The following RSRP1 variants were observed in gnomAD, a reference collection of about 807,000 sequenced individuals.
RSRP1 encodes arginine and serine rich protein 1, also known as arginine/serine-rich protein 1.
RSRP1 carries 37 observed loss-of-function variants against 33.0 expected under a neutral mutation model. That is an observed-to-expected ratio of 1.12 (90% CI 0.86 to 1.48). RSRP1 has a LOEUF of 1.48. RSRP1 is among the 40% of genes most tolerant of loss of function. The pLI is 0.00. For missense variants in RSRP1, 402 were observed against 385.3 expected (o/e 1.04, Z -0.36); for synonymous variants, 167 against 158.7 (o/e 1.05, Z -0.40).
rs1419209418 is a variant in RSRP1, at chr1:25,289,488, C to T, written c.-66-42459G>A. ...GGGAGTACAGGCATGAGCCACTGCA[C>T]CCAGCCTTATAGGGTTAAAATTTAA... On this transcript the variant is annotated intron_variant, in intron 1 of 1. Transcript: ENST00000561867. Among the ~76,000 whole-genome samples, 3 of 132,628 alleles carry T rather than the reference C, an allele frequency of 2.3e-5. 1 individual carries two copies. The highest frequency in any genetic ancestry group is 5.4e-5 in the Non-Finnish European group (3 of 55,952). 87.0% of individuals were successfully genotyped at this position (132,628 alleles called of 152,430 possible).
rs1173626466 is a variant in RSRP1 at position 25,288,304 on chromosome 1, G to A, written c.-66-41275C>T. Among the ~76,000 whole-genome samples, 7 of 129,276 alleles carry A rather than the reference G, an allele frequency of 5.4e-5. 2 individuals carry two copies. Among genetic ancestry groups the A allele is most frequent in the Non-Finnish European group, 1.3e-4 (7 of 54,756 alleles). 84.8% of individuals were successfully genotyped at this position (129,276 alleles called of 152,430 possible). On this transcript the variant is annotated intron_variant, in intron 1 of 1. Transcript: ENST00000561867. ...AAGTACTGGAATTACAGCCTCCTGA[G>A]TAGCTGAGACCACAGGCACACACCA... is the stretch of plus-strand genomic sequence containing the variant.
At chr1:25,313,339 A>G (rs1190356905) in intron 1 of RSRP1, among the ~76,000 whole-genome samples, 1 of 132,580 alleles carries the variant, frequency 7.5e-6, no homozygotes, top group African/African-American at 2.6e-5. Context: ...TTATTTTACA[A>G]ATTACCCATT....
chr1:25,297,170 G>T, intron 1 of RSRP1, among the ~76,000 whole-genome samples: 1 of 94,152 alleles, frequency 1.1e-5, no homozygotes, highest in South Asian at 3.3e-4. Flanking sequence ...TATCTTTCAT[G>T]ACCTTGACAT....
chr1:25,243,354 C>T (rs1488940747), intron 4 of RSRP1, among the ~76,000 whole-genome samples, 196 bp downstream of exon 4: 1 of 152,150 alleles, frequency 6.6e-6, no homozygotes, highest in Non-Finnish European at 1.5e-5. Flanking sequence ...AATATCGGAA[C>T]TAACGTGAAT....
At position 25,276,281 on chromosome 1, in the gene RSRP1, G is replaced by T. The variant is rs1241216767; in HGVS notation, c.-66-29252C>A. On this transcript the variant is annotated intron_variant, in intron 1 of 1. Coordinates refer to the RSRP1 transcript ENST00000561867. ...GGGTTTGCTTTTATGCCAGAAAAAAGAAAAAGTACAGAAGGATTATAGAAA... is the reference window on the plus strand; with the variant it reads ...GGGTTTGCTTTTATGCCAGAAAAAATAAAAAGTACAGAAGGATTATAGAAA... Among the ~76,000 whole-genome samples the T allele has an allele frequency of 2.3e-5, 3 of 129,630 alleles. 1 individual carries two copies. 85.0% of individuals were successfully genotyped at this position (129,630 alleles called of 152,430 possible). A position where few individuals can be genotyped will look rare whatever the true frequency, so the allele number is the denominator to read the frequency against.
rs1642370725 is a variant in RSRP1, at chr1:25,290,241, GCC to G, written c.-66-43214_-66-43213del. 3.9e-5 allele frequency among the ~76,000 whole-genome samples: 5 copies of G among 127,652 alleles called. 2 individuals carry two copies. The highest frequency in any genetic ancestry group is 1.4e-4 in the African/African-American group (5 of 36,752). 83.7% of individuals were successfully genotyped at this position (127,652 alleles called of 152,430 possible). ...GTGGGCAGGCCTGCGGGGGAAGAGT[GCC>G]CTCTGTTGAGCATCCGAATGATGGC... On this transcript the variant is annotated intron_variant, in intron 1 of 1. Transcript: ENST00000561867.
chr1:25,299,089 A>AC (rs1250264727), intron 1 of RSRP1, among the ~76,000 whole-genome samples: 1 of 126,558 alleles, frequency 7.9e-6, no homozygotes, highest in African/African-American at 2.7e-5. Flanking sequence ...AAAAAAAAAA[A>AC]AAAAAAAACA....
At chr1:25,256,514 T>G (rs576451411) in intron 1 of RSRP1, among the ~76,000 whole-genome samples, 1 of 152,292 alleles carries the variant, frequency 6.6e-6, no homozygotes, top group South Asian at 2.1e-4. Flanking sequence ...TGGAGTGCAG[T>G]GGTGTGATCA....
chr1:25,258,803 A>G (rs867533474), intron 1 of RSRP1, among the ~76,000 whole-genome samples: 41 of 152,332 alleles, frequency 2.7e-4, no homozygotes, highest in Middle Eastern at 3.4e-3. Flanking sequence ...TTAAAAAAAA[A>G]CTGCATTTGT....
chr1:25,306,648 A>T lies in RSRP1; in HGVS notation c.-67+31330T>A, dbSNP rs755177266. 8 of 1,378,288 alleles carry T rather than the reference A, an allele frequency of 5.8e-6. 1 individual carries two copies. In the East Asian group the frequency reaches 6.7e-5, roughly 12 times the overall value. 85.4% of individuals were successfully genotyped at this position (1,378,288 alleles called of 1,614,324 possible). On this transcript the variant is annotated intron_variant, in intron 1 of 1. Transcript: ENST00000561867. The stretch of plus-strand genomic sequence containing the variant: ...CCCCACAGCTCCATCATGGGCTACA[A>T]CTTCAGCTTGCTGGGTCTGCTTGGA...
intron 1 of RSRP1, among the ~76,000 whole-genome samples, chr1:25,316,097 A>G (rs1644424552): frequency 1.5e-5 from 2 of 131,428 alleles, no homozygotes; most frequent in South Asian, 4.6e-4. Context: ...ACGGGCTGGC[A>G]GTGCCCAGGT....
chr1:25,321,036 T>C (rs1128110), intron 1 of RSRP1, among the ~76,000 whole-genome samples: 3 of 130,972 alleles, frequency 2.3e-5, no homozygotes, highest in Non-Finnish European at 5.4e-5. Flanking sequence ...AGAATGAGAC[T>C]CTGTCCCAAA....
intron 1 of RSRP1, among the ~76,000 whole-genome samples, chr1:25,331,902 G>A (rs1645019071): frequency 7.8e-6 from 1 of 128,904 alleles, no homozygotes; most frequent in Non-Finnish European, 1.8e-5. Flanking sequence ...ACTACGCCCG[G>A]CTAACTTTTT....
In RSRP1 at chr1:25,303,553, A is replaced by C. The variant is rs1204836094; in HGVS notation, c.-67+34425T>G. On this transcript the variant is annotated intron_variant, in intron 1 of 1. Transcript: ENST00000561867. ...CCACTGTGCAGTGCACAGCTGCATT[A>C]GGCAGGTGTCGGCGCATTCTCTTAT... 12 of 1,199,950 alleles carry C rather than the reference A, an allele frequency of 1.0e-5. 2 individuals are homozygous for C. The African/African-American group carries it at 1.6e-4, about 16-fold the overall frequency. 74.3% of individuals were successfully genotyped at this position (1,199,950 alleles called of 1,614,324 possible).
chr1:25,313,848 A>G (rs533966292), intron 1 of RSRP1, among the ~76,000 whole-genome samples: 2 of 133,214 alleles, frequency 1.5e-5, no homozygotes, highest in African/African-American at 5.1e-5. Context: ...CAAGAAAATG[A>G]GATAAACAAC....
In RSRP1 at chr1:25,297,141, C is replaced by T. The variant is rs1330204006; in HGVS notation, c.-67+40837G>A. Among the ~76,000 whole-genome samples the T allele has an allele frequency of 5.8e-5, 6 of 103,034 alleles. 2 individuals are homozygous for T. Among genetic ancestry groups the T allele is most frequent in the Non-Finnish European group, 1.2e-4 (5 of 43,032 alleles). The allele number at this position is 103,034 out of a possible 152,430, so 67.6% of individuals were successfully genotyped here. A position where few individuals can be genotyped will look rare whatever the true frequency, so the allele number is the denominator to read the frequency against. The stretch of plus-strand genomic sequence containing the variant: ...CTTATTAAATTCCATCAATCTGGAG[C>T]AGTTTCTTCATCTTTCTTTATCTTT... On this transcript the variant is annotated intron_variant, in intron 1 of 1. Transcript: ENST00000561867.
chr1:25,247,551 C>T (rs1174124219), upstream of RSRP1: 1 of 152,336 alleles, frequency 6.6e-6, no homozygotes, highest in Non-Finnish European at 1.5e-5. Context: ...TTCTCTTGCC[C>T]AACCACCGCC....
At position 25,309,341 on chromosome 1, in the gene RSRP1, C is replaced by T. The variant is rs1343945201; in HGVS notation, c.-67+28637G>A. Among the ~76,000 whole-genome samples, 3 of 130,814 alleles carry T rather than the reference C, an allele frequency of 2.3e-5. 1 individual carries two copies. The highest frequency in any genetic ancestry group is 4.7e-4 in the South Asian group (2 of 4,292). 85.8% of individuals were successfully genotyped at this position (130,814 alleles called of 152,430 possible). A position where few individuals can be genotyped will look rare whatever the true frequency, so the allele number is the denominator to read the frequency against. On this transcript the variant is annotated intron_variant, in intron 1 of 1. Transcript: ENST00000561867. ...TTACGTCAGGGAGAAAAGAAAGTCC[C>T]CACTTGGCCTGAGAATCTCTGCACC...
At position 25,302,904 on chromosome 1, in the gene RSRP1, G is replaced by A. The variant is rs1405931592; in HGVS notation, c.-67+35074C>T. 8.4e-5 allele frequency among the ~76,000 whole-genome samples: 11 copies of A among 130,774 alleles called. No individual in the cohort carries two copies. The East Asian group carries it at 1.8e-3, about 21-fold the overall frequency. The allele number at this position is 130,774 out of a possible 152,430, so 85.8% of individuals were successfully genotyped here. ...CACACCTGTAATCCCAATATTTTGG[G>A]AGGCTGAGGCAAGAGGATTGGTTGA... On this transcript the variant is annotated intron_variant, in intron 1 of 1. Transcript: ENST00000561867.
Sources: allele counts gnomAD v4.1 joint callset (sites outside exome capture counted in the v4.1 genomes callset), GRCh38; gene constraint gnomAD v4.1.1; transcripts MANE v1.5; gene names NCBI Gene and HGNC (gene_info 2026-07-23, HGNC 2026-07-21).